SULT1C2: variants seen among roughly 807,000 people sequenced by gnomAD.
SULT1C2 encodes sulfotransferase 1C2.
SULT1C2 carries 27 observed loss-of-function variants against 36.0 expected under a neutral mutation model. That is an observed-to-expected ratio of 0.75 (90% CI 0.55 to 1.03). The LOEUF is 1.03. SULT1C2 is among the 50% of genes least tolerant of loss of function. The pLI is 0.00. For synonymous variants in SULT1C2, 121 were observed against 116.0 expected (o/e 1.04, Z -0.27); for missense variants, 395 against 359.2 (o/e 1.10, Z -0.80).
chr2:108,300,869 A>G lies in SULT1C2; in HGVS notation c.309A>G (p.Pro103=), dbSNP rs548865592. The G allele has an allele frequency of 3.1e-6, 5 of 1,614,122 alleles. 1 individual carries two copies. The South Asian group carries it at 5.5e-5, about 18-fold the overall frequency. ...AAAAAGCCAAAGCAATGCCCTCTCC[A>G]CGGATACTAAAGACTCACCTTTCCA... ...GVEKAKAMPS[P]RILKTHLSTQ... Residue 103 remains proline (P), a synonymous_variant, in exon 4 of 8, where the codon CCA becomes CCG. Coordinates refer to ENST00000251481, the MANE Select transcript of SULT1C2 (RefSeq NM_001056.4).
Position 108,306,807 on chromosome 2 carries a change from C to T in SULT1C2, c.778+1212C>T, listed in dbSNP as rs561737187. ...TGTAGTCCCAGCTATTCGGGAGGCT[C>T]ATGCAGGAGAATCACTTGAACCCAG... On this transcript the variant is annotated intron_variant, in intron 7 of 7. Transcript: ENST00000251481. 6.0e-5 allele frequency among the ~76,000 whole-genome samples: 9 copies of T among 150,768 alleles called. No individual in the cohort carries two copies. The East Asian group carries it at 1.8e-3, about 30-fold the overall frequency.
intron 5 of SULT1C2, 64 bp from the exon 6 acceptor site, chr2:108,305,105 TCCC>T: frequency 6.4e-7 from 1 of 1,572,964 alleles, no homozygotes; most frequent in Non-Finnish European, 8.7e-7. Context: ...TTCAGGAAAA[TCCC>T]TAATACTCAG....
chr2:108,308,126 T>G (rs1218101880), intron 7 of SULT1C2, among the ~76,000 whole-genome samples: 4 of 152,220 alleles, frequency 2.6e-5, no homozygotes, highest in African/African-American at 9.7e-5. Context: ...ACTAGCTGCC[T>G]TGGGTCAGTT....
Position 108,305,813 on chromosome 2 carries a change from C to T in SULT1C2, c.778+218C>T, listed in dbSNP as rs142825939. 1,899 of 598,198 alleles carry T rather than the reference C, an allele frequency of 3.2e-3. 9 individuals carry two copies. Among genetic ancestry groups the T allele is most frequent in the Non-Finnish European group, 3.5e-3 (1,213 of 347,822 alleles). 37.1% of individuals were successfully genotyped at this position (598,198 alleles called of 1,614,324 possible). A position where few individuals can be genotyped will look rare whatever the true frequency, so the allele number is the denominator to read the frequency against. The stretch of plus-strand genomic sequence containing the variant: ...TGCAAGGAACAGAGAGTCCCTCAAG[C>T]TAGCCCCAAAGAAAGGGGCTTACTG... On this transcript the variant is annotated intron_variant, in intron 7 of 7. Coordinates refer to ENST00000251481, the MANE Select transcript of SULT1C2 (RefSeq NM_001056.4).
rs1676842484 is a variant in SULT1C2 at position 108,300,446 on chromosome 2, C to A, written c.278-392C>A. On this transcript the variant is annotated intron_variant, in intron 3 of 7. Transcript: ENST00000251481. ...AGTATACATGTTTTTAGAGATGAAA[C>A]AAGTGATTGCAAACAGGCCGGGTAC... 1.5e-5 allele frequency: 4 copies of A among 273,980 alleles called. No individual in the cohort carries two copies. The East Asian group carries it at 2.6e-4, about 18-fold the overall frequency. 17.0% of individuals were successfully genotyped at this position (273,980 alleles called of 1,614,324 possible).
chr2:108,302,312 A>G (rs1454131802), intron 4 of SULT1C2: 3 of 152,284 alleles, frequency 2.0e-5, no homozygotes, highest in Admixed American at 2.0e-4. Context: ...TACATCCTCA[A>G]TGGATGGGTG....
intron 2 of SULT1C2, 72 bp from the exon 3 acceptor site, chr2:108,294,157 G>C (rs1474109546): frequency 1.3e-6 from 2 of 1,580,906 alleles, no homozygotes; most frequent in South Asian, 2.3e-5. Context: ...CATCCTCTTC[G>C]TTTACTCGGG....
chr2:108,309,884 A>C lies in SULT1C2; in HGVS notation c.*1420A>C, dbSNP rs911025073. ...AGCTTCAAATAAGCACCTTTTTATT[A>C]TGTAAATAAATAAAAGTTATCTGTA... is the stretch of plus-strand genomic sequence containing the variant. On this transcript the variant is annotated 3_prime_UTR_variant, in exon 8 of 8. Coordinates refer to ENST00000251481, the MANE Select transcript of SULT1C2 (RefSeq NM_001056.4). 2 of 152,258 alleles carry C rather than the reference A, an allele frequency of 1.3e-5. No homozygotes were observed. Among genetic ancestry groups the C allele is most frequent in the African/African-American group, 4.8e-5 (2 of 41,478 alleles). The allele number at this position is 152,258 out of a possible 1,614,324, so 9.4% of individuals were successfully genotyped here.
Position 108,293,643 on chromosome 2 carries a change from A to G in SULT1C2, c.-21-4A>G. On this transcript the variant is annotated splice_region_variant and splice_polypyrimidine_tract_variant and intron_variant, in intron 1 of 7. Coordinates refer to ENST00000251481, the MANE Select transcript of SULT1C2 (RefSeq NM_001056.4). ...TAAAAATCTCCTCTATTCTTTTCCCATAGGGACCCCAACCCTGAGACACTA... is the reference window on the plus strand; with the variant it reads ...TAAAAATCTCCTCTATTCTTTTCCCGTAGGGACCCCAACCCTGAGACACTA... 1 of 1,583,208 alleles carries G rather than the reference A, an allele frequency of 6.3e-7. No homozygotes were observed. Among genetic ancestry groups the G allele is most frequent in the Non-Finnish European group, 8.6e-7 (1 of 1,168,114 alleles).
rs750959639 is a variant in SULT1C2 at position 108,308,505 on chromosome 2, C to A, written c.*41C>A. The A allele has an allele frequency of 1.3e-6, 2 of 1,508,864 alleles. No homozygotes were observed. Among genetic ancestry groups the A allele is most frequent in the South Asian group, 1.2e-5 (1 of 81,050 alleles). 93.5% of individuals were successfully genotyped at this position (1,508,864 alleles called of 1,614,324 possible). A position where few individuals can be genotyped will look rare whatever the true frequency, so the allele number is the denominator to read the frequency against. Reference sequence around the variant, plus strand: ...AATTAAAAGGTGGATGGCAAGAGTGCAAATACTATCTTCAATCCTTCAGTC... The same window carrying A: ...AATTAAAAGGTGGATGGCAAGAGTGAAAATACTATCTTCAATCCTTCAGTC... On this transcript the variant is annotated 3_prime_UTR_variant, in exon 8 of 8. Transcript: ENST00000251481.
At chr2:108,301,002 C>G (rs1385186300) in intron 4 of SULT1C2, 67 bp downstream of exon 4, 28 of 1,588,908 alleles carry the variant, frequency 1.8e-5, no homozygotes, top group Non-Finnish European at 2.3e-5. Flanking sequence ...CCTGCAGACC[C>G]CAACGCAGAG....
At chr2:108,306,510 G>A (rs1391637894) in intron 7 of SULT1C2, among the ~76,000 whole-genome samples, 1 of 152,166 alleles carries the variant, frequency 6.6e-6, no homozygotes, top group East Asian at 1.9e-4. Context: ...AGGCTAAGGT[G>A]GGAGGAGCAC....
chr2:108,305,237 C>A lies in SULT1C2; in HGVS notation c.568C>A (p.Leu190Ile), dbSNP rs754892369. Residue 190 changes from leucine (L) to isoleucine (I), a missense_variant, in exon 6 of 8, where the codon CTC becomes ATC. Coordinates refer to ENST00000251481, the MANE Select transcript of SULT1C2 (RefSeq NM_001056.4). ...WWEMKDRHQI[L>I]FLFYEDIKRD... ...GGAGATGAAAGACAGACACCAGATTCTCTTCCTCTTCTATGAGGACATAAA... is the reference window on the plus strand; with the variant it reads ...GGAGATGAAAGACAGACACCAGATTATCTTCCTCTTCTATGAGGACATAAA... The A allele has an allele frequency of 1.2e-6, 2 of 1,614,192 alleles. No homozygotes were observed. The highest frequency in any genetic ancestry group is 2.2e-5 in the East Asian group (1 of 44,888).
At chr2:108,291,329 G>A (rs1455033054) in intron 1 of SULT1C2, among the ~76,000 whole-genome samples, 3 of 152,012 alleles carry the variant, frequency 2.0e-5, no homozygotes, top group Non-Finnish European at 4.4e-5. Flanking sequence ...AAGTGCCCTT[G>A]TGGTCACATT....
intron 2 of SULT1C2, 61 bp from the exon 3 acceptor site, chr2:108,294,168 A>T: frequency 6.3e-7 from 1 of 1,594,608 alleles, no homozygotes; most frequent in Non-Finnish European, 8.6e-7. Flanking sequence ...TTTACTCGGG[A>T]CTCTTCAGGG....
At chr2:108,305,717 T>G in intron 7 of SULT1C2, 122 bp downstream of exon 7, 2 of 1,241,986 alleles carry the variant, frequency 1.6e-6, no homozygotes, top group Non-Finnish European at 2.3e-6. Flanking sequence ...CTAATATGTG[T>G]TTCTAATAAA....
chr2:108,297,718 C>A (rs1003124361), intron 3 of SULT1C2, among the ~76,000 whole-genome samples: 1 of 152,046 alleles, frequency 6.6e-6, no homozygotes, highest in Admixed American at 6.6e-5. Flanking sequence ...TGTGGGGGGG[C>A]AGAATGTACA....
At chr2:108,293,214 A>G (rs539348111) in intron 1 of SULT1C2, among the ~76,000 whole-genome samples, 1 of 149,350 alleles carries the variant, frequency 6.7e-6, no homozygotes, top group African/African-American at 2.5e-5. Flanking sequence ...GGAAAGGTGT[A>G]TATCTACAGT....
chr2:108,309,689 T>TGG lies in SULT1C2; in HGVS notation c.*1225_*1226insGG, dbSNP rs1677108415. The TGG allele has an allele frequency of 1.3e-5, 2 of 151,932 alleles. No homozygotes were observed. The highest frequency in any genetic ancestry group is 4.8e-5 in the African/African-American group (2 of 41,338). 9.4% of individuals were successfully genotyped at this position (151,932 alleles called of 1,614,324 possible). A position where few individuals can be genotyped will look rare whatever the true frequency, so the allele number is the denominator to read the frequency against. On this transcript the variant is annotated 3_prime_UTR_variant, in exon 8 of 8. Transcript: ENST00000251481. ...GCTGGTCTTAACTGACTGCTTTTTA[T>TGG]TATTACCATGCACTGGCAATTCCAA...
Sources: gnomAD v4.1 joint callset for allele counts (sites outside exome capture counted in the v4.1 genomes callset) on GRCh38, gnomAD v4.1.1 for gene constraint, MANE v1.5 for transcripts, NCBI Gene and HGNC (gene_info 2026-07-23, HGNC 2026-07-21) for gene names.